The following ISOC2 variants were observed in gnomAD, a reference collection of about 807,000 sequenced individuals.
The protein encoded by ISOC2 is isochorismatase domain-containing protein 2.
A neutral mutation model predicts 19.3 loss-of-function variants in ISOC2; 15 were observed. That is an observed-to-expected ratio of 0.78 (90% CI 0.52 to 1.20). The LOEUF is 1.20. ISOC2 is among the 50% of genes most tolerant of loss of function. The pLI is 0.00. For synonymous variants in ISOC2, 106 were observed against 115.8 expected (o/e 0.92, Z 0.54); for missense variants, 285 against 272.4 (o/e 1.05, Z -0.33).
At chr19:55,458,469 C>T (rs1213305098) in intron 1 of ISOC2, among the ~76,000 whole-genome samples, 1 of 151,862 alleles carries the variant, frequency 6.6e-6, no homozygotes, top group Admixed American at 6.6e-5. Context: ...GGAGGCAAGA[C>T]AGAAGGTGTT....
At chr19:55,458,569 C>T (rs1986138164) in intron 1 of ISOC2, among the ~76,000 whole-genome samples, 1 of 151,214 alleles carries the variant, frequency 6.6e-6, no homozygotes, top group Non-Finnish European at 1.5e-5. Context: ...TGCTCTGTCA[C>T]CCAGGCTGGA....
chr19:55,457,599 C>T (rs1037922694), intron 1 of ISOC2, among the ~76,000 whole-genome samples: 5 of 151,246 alleles, frequency 3.3e-5, no homozygotes, highest in Admixed American at 1.3e-4. Context: ...GAGGCCGAGG[C>T]GGGCGGATCA....
intron 5 of ISOC2, chr19:55,454,758 C>T: frequency 1.7e-6 from 1 of 574,878 alleles, no homozygotes; most frequent in Non-Finnish European, 3.1e-6. Context: ...TCCTCTGTGC[C>T]CTGACCCTCT....
In ISOC2 at chr19:55,453,010, C is replaced by T. The variant is rs1362090719; in HGVS notation, c.*298G>A. ...CACAGCCACATATATGTTTATTCTG[C>T]GAGTCCGTGTCCCACAGTCTGAGAC... On this transcript the variant is annotated 3_prime_UTR_variant, in exon 6 of 6. Coordinates refer to ENST00000425675, the MANE Select transcript of ISOC2 (RefSeq NM_001136201.2). 5 of 292,832 alleles carry T rather than the reference C, an allele frequency of 1.7e-5. No homozygotes were observed. Among genetic ancestry groups the T allele is most frequent in the South Asian group, 7.5e-5 (1 of 13,372 alleles). 18.1% of individuals were successfully genotyped at this position (292,832 alleles called of 1,614,324 possible).
chr19:55,453,506 C>T (rs1985940585), intron 5 of ISOC2, 118 bp from the exon 6 acceptor site: 5 of 622,528 alleles, frequency 8.0e-6, no homozygotes, highest in Non-Finnish European at 1.3e-5. Flanking sequence ...AGCAGCTGCC[C>T]AAGACAACAC....
chr19:55,455,494 GC>G, intron 3 of ISOC2, 141 bp downstream of exon 3: 1 of 1,120,186 alleles, frequency 8.9e-7, no homozygotes, highest in Non-Finnish European at 1.3e-6. Context: ...ATAGGATGGG[GC>G]CCACAGGTGA....
intron 4 of ISOC2, 63 bp downstream of exon 4, chr19:55,455,197 T>C (rs1986006662): frequency 6.4e-7 from 1 of 1,561,414 alleles, no homozygotes; most frequent in South Asian, 1.1e-5. Context: ...ATGCCGCCTG[T>C]GGCCCTTCCT....
Position 55,456,607 on chromosome 19 carries a change from C to T in ISOC2, c.-3-118G>A. On this transcript the variant is annotated intron_variant, in intron 1 of 5. Transcript: ENST00000425675. Reference sequence around the variant, plus strand: ...GGGCCCGGGGCACCTTGCCAACCTTCTTCCCACCTCAAGGTCTCTGTGTCT... The same window carrying T: ...GGGCCCGGGGCACCTTGCCAACCTTTTTCCCACCTCAAGGTCTCTGTGTCT... 3.9e-6 allele frequency: 5 copies of T among 1,292,004 alleles called. No homozygotes were observed. The South Asian group carries it at 7.3e-5, about 19-fold the overall frequency. 80.0% of individuals were successfully genotyped at this position (1,292,004 alleles called of 1,614,324 possible).
At chr19:55,455,136 G>T in intron 4 of ISOC2, 30 bp from the exon 5 acceptor site, 1 of 1,582,128 alleles carries the variant, frequency 6.3e-7, no homozygotes, top group Non-Finnish European at 8.7e-7. Flanking sequence ...AGGGAAGGTT[G>T]GTGTGGACGC....
At chr19:55,456,807 A>C (rs1986076172) in intron 1 of ISOC2, among the ~76,000 whole-genome samples, 1 of 152,000 alleles carries the variant, frequency 6.6e-6, no homozygotes, top group Admixed American at 6.6e-5. Flanking sequence ...GTGCTTCATG[A>C]TCCCGGTTAC....
chr19:55,454,900 G>C lies in ISOC2; in HGVS notation c.537+89C>G. On this transcript the variant is annotated intron_variant, in intron 5 of 5. Transcript: ENST00000425675. ...AACCTGGCTCCCCCTGGAGGCGGCAGCCTGCTGGTGCCGAGATGTATTCTC... is the reference window on the plus strand; with the variant it reads ...AACCTGGCTCCCCCTGGAGGCGGCACCCTGCTGGTGCCGAGATGTATTCTC... 3.1e-6 allele frequency: 3 copies of C among 980,808 alleles called. No individual in the cohort carries two copies. In the South Asian group the frequency reaches 4.0e-5, roughly 13 times the overall value. The allele number at this position is 980,808 out of a possible 1,614,324, so 60.8% of individuals were successfully genotyped here.
chr19:55,453,614 G>A (rs1262397161), intron 5 of ISOC2: 5 of 403,346 alleles, frequency 1.2e-5, no homozygotes, highest in African/African-American at 8.3e-5. Context: ...TGCGGGCTTG[G>A]ACCACTAAGG....
intron 1 of ISOC2, among the ~76,000 whole-genome samples, chr19:55,458,117 A>C (rs900786291): frequency 6.6e-6 from 1 of 152,164 alleles, no homozygotes; most frequent in African/African-American, 2.4e-5. Flanking sequence ...AGGCTGGTGA[A>C]GCCACCTGGC....
In ISOC2 at chr19:55,456,427, C is replaced by T; in HGVS notation, c.60G>A (p.Leu20=). The T allele has an allele frequency of 6.2e-7, 1 of 1,613,834 alleles. No homozygotes were observed. Among genetic ancestry groups the T allele is most frequent in the Non-Finnish European group, 8.5e-7 (1 of 1,179,858 alleles). The change falls in exon 2 of 6, where the codon CTG becomes CTA. Residue 20 remains leucine (L), a synonymous_variant. Transcript: ENST00000425675. ...RVLPGSSVLF[L]CDMQEKFRHN... ...GGCGGAACTTCTCCTGCATGTCACA[C>T]AGGAACAGGACAGAGGATCCTGGGA...
intron 1 of ISOC2, among the ~76,000 whole-genome samples, chr19:55,460,488 C>G (rs1986198440): frequency 6.6e-6 from 1 of 152,112 alleles, no homozygotes; most frequent in Non-Finnish European, 1.5e-5. Context: ...CAATGTGCAA[C>G]AAGTTGTCTA....
At chr19:55,461,220 C>G (rs890818131) in intron 1 of ISOC2, among the ~76,000 whole-genome samples, 8 of 151,968 alleles carry the variant, frequency 5.3e-5, no homozygotes, top group African/African-American at 9.7e-5. Context: ...CCTTGGAGCC[C>G]GGACTTCCTG....
intron 3 of ISOC2, 26 bp downstream of exon 3, chr19:55,455,610 A>AC (rs1986026637): frequency 1.9e-6 from 3 of 1,538,836 alleles, no homozygotes; most frequent in East Asian, 4.6e-5. Flanking sequence ...AGAACGAGGG[A>AC]CCCCTGGGGT....
Position 55,453,231 on chromosome 19 carries a change from C to T in ISOC2, c.*77G>A. The T allele has an allele frequency of 4.6e-6, 5 of 1,077,444 alleles. No homozygotes were observed. Among genetic ancestry groups the T allele is most frequent in the Non-Finnish European group, 6.7e-6 (5 of 747,990 alleles). The allele number at this position is 1,077,444 out of a possible 1,614,324, so 66.7% of individuals were successfully genotyped here. On this transcript the variant is annotated 3_prime_UTR_variant, in exon 6 of 6. Transcript: ENST00000425675. ...TGGTGGATCGCACCACTCTTGGGAT[C>T]CAGGGATGGGGGGAACGGGCTTCCA...
chr19:55,455,104 T>G lies in ISOC2; in HGVS notation c.422A>C (p.Gln141Pro), dbSNP rs537024517. ...VVVDACSSRS[Q>P]VDRLVALARM... ...GGCCAGAGCCACCAGCCGGTCCACC[T>G]GGCTGTGAGTGGGAGGGAGGGAGGG... The change falls in exon 5 of 6, where the codon CAG becomes CCG. Residue 141 changes from glutamine (Q) to proline (P), a missense_variant and splice_region_variant. By Grantham distance (76) the Gln-to-Pro change is moderately conservative. Transcript: ENST00000425675. 2.3e-5 allele frequency: 20 copies of G among 879,924 alleles called. No homozygotes were observed. The highest frequency in any genetic ancestry group is 3.1e-5 in the Non-Finnish European group (18 of 573,300). 54.5% of individuals were successfully genotyped at this position (879,924 alleles called of 1,614,324 possible). A position where few individuals can be genotyped will look rare whatever the true frequency, so the allele number is the denominator to read the frequency against.
Sources: gnomAD v4.1 joint callset for allele counts (sites outside exome capture counted in the v4.1 genomes callset) on GRCh38, gnomAD v4.1.1 for gene constraint, MANE v1.5 for transcripts, NCBI Gene and HGNC (gene_info 2026-07-23, HGNC 2026-07-21) for gene names.